VAV3: variants seen among roughly 807,000 people sequenced by gnomAD.
VAV3 encodes the protein guanine nucleotide exchange factor VAV3.
A neutral mutation model predicts 131.2 loss-of-function variants in VAV3; 94 were observed. That is an observed-to-expected ratio of 0.72 (90% CI 0.61 to 0.85). The LOEUF is 0.85. VAV3 is among the 40% of genes least tolerant of loss of function. The pLI is 0.00. For missense variants in VAV3, 939 were observed against 1,002.7 expected (o/e 0.94, Z 0.86); for synonymous variants, 349 against 342.0 (o/e 1.02, Z -0.22).
At chr1:107,576,326 A>C in intron 25 of VAV3, 1 of 1,354,084 alleles carries the variant, frequency 7.4e-7, no homozygotes, top group Non-Finnish European at 9.8e-7. Context: ...CCATACATGG[A>C]ACTCAAATAT....
intron 10 of VAV3, among the ~76,000 whole-genome samples, chr1:107,758,879 CT>C (rs1227960335): frequency 2.6e-5 from 4 of 152,152 alleles, no homozygotes; most frequent in Non-Finnish European, 5.9e-5. Flanking sequence ...GTTCTAATAT[CT>C]AATCCCATTA....
At chr1:107,859,024 T>A (rs1251696411) in intron 2 of VAV3, among the ~76,000 whole-genome samples, 2 of 152,132 alleles carry the variant, frequency 1.3e-5, no homozygotes, top group Non-Finnish European at 2.9e-5. Context: ...GATAAAAATC[T>A]TAGCATTCAA....
chr1:107,765,031 T>C (rs761899121), intron 9 of VAV3, 45 bp downstream of exon 9: 23 of 1,340,640 alleles, frequency 1.7e-5, no homozygotes, highest in Non-Finnish European at 2.3e-5. Context: ...ACATTGCTTT[T>C]AGGTTTATTT....
chr1:107,885,552 T>C (rs1670993085), intron 1 of VAV3, among the ~76,000 whole-genome samples: 1 of 152,010 alleles, frequency 6.6e-6, no homozygotes, highest in African/African-American at 2.4e-5. Flanking sequence ...ATAACAAACC[T>C]ACAGAAAGAT....
intron 1 of VAV3, among the ~76,000 whole-genome samples, chr1:107,897,822 C>A (rs978778218): frequency 2.0e-5 from 3 of 152,104 alleles, no homozygotes; most frequent in African/African-American, 7.2e-5. Flanking sequence ...AGGGATAGTA[C>A]ACATTAAGAC....
chr1:107,651,597 A>G lies in VAV3; in HGVS notation c.1778-8842T>C, dbSNP rs773168506. 1.3e-4 allele frequency among the ~76,000 whole-genome samples: 19 copies of G among 151,884 alleles called. 1 individual carries two copies. Among genetic ancestry groups the G allele is most frequent in the Non-Finnish European group, 2.6e-4 (18 of 67,974 alleles). Reference sequence around the variant, plus strand: ...TTCTCTCCCAAAGGCCACCCTTCCAAATATGCATGTGCACACACATGCACA... The same window carrying G: ...TTCTCTCCCAAAGGCCACCCTTCCAGATATGCATGTGCACACACATGCACA... On this transcript the variant is annotated intron_variant, in intron 19 of 26. Transcript: ENST00000370056.
chr1:107,874,974 C>G lies in VAV3; in HGVS notation c.248G>C (p.Cys83Ser), dbSNP rs913037317. ...KNIRTFLTAC[C>S]ETFGMRKSEL... is the part of the protein sequence containing the mutation. The stretch of plus-strand genomic sequence containing the variant: ...ACTTTTCCTCATTCCAAACGTCTCA[C>G]AACAGGCCGTGAGAAATGTCCTTAT... The change falls in exon 2 of 27, where the codon TGT (cysteine) becomes TCT (serine). Residue 83 changes from cysteine to serine, a missense_variant. Cys to Ser is a moderately radical substitution (Grantham distance 112). Transcript: ENST00000370056. 6.2e-7 allele frequency: 1 copy of G among 1,613,256 alleles called. No homozygotes were observed. The highest frequency in any genetic ancestry group is 1.7e-5 in the Admixed American group (1 of 59,920).
intron 7 of VAV3, among the ~76,000 whole-genome samples, chr1:107,766,795 A>G (rs1026190474): frequency 7.2e-5 from 11 of 151,920 alleles, no homozygotes; most frequent in African/African-American, 2.7e-4. Flanking sequence ...GGGGAAGGAA[A>G]GGAGAAAAAA....
At position 107,862,428 on chromosome 1, in the gene VAV3, G is replaced by T. The variant is rs562066936; in HGVS notation, c.321+12473C>A. On this transcript the variant is annotated intron_variant, in intron 2 of 26. Transcript: ENST00000370056. ...AAGCCATTAAAAAAAAGAAGACACA[G>T]AAAATAAACATGGAAAGTGCCATCC... 2.0e-5 allele frequency among the ~76,000 whole-genome samples: 3 copies of T among 151,436 alleles called. No individual in the cohort carries two copies. In the South Asian group the frequency reaches 6.3e-4, roughly 32 times the overall value.
At chr1:107,939,848 C>A (rs1294606279) in intron 1 of VAV3, among the ~76,000 whole-genome samples, 1 of 151,938 alleles carries the variant, frequency 6.6e-6, no homozygotes, top group Non-Finnish European at 1.5e-5. Flanking sequence ...CTTAATATCT[C>A]CCCCCACCCC....
chr1:107,852,500 G>A (rs933337151), intron 2 of VAV3, among the ~76,000 whole-genome samples: 1 of 151,912 alleles, frequency 6.6e-6, no homozygotes, highest in Non-Finnish European at 1.5e-5. Flanking sequence ...ATAAAACTGG[G>A]GATCATGGTT....
At chr1:107,785,070 A>T (rs923448118) in intron 2 of VAV3, among the ~76,000 whole-genome samples, 1 of 152,238 alleles carries the variant, frequency 6.6e-6, no homozygotes, top group Non-Finnish European at 1.5e-5. Flanking sequence ...TTTTGAAAAC[A>T]GACTGGTGAT....
intron 1 of VAV3, among the ~76,000 whole-genome samples, chr1:107,941,529 A>G (rs777100049): frequency 2.2e-4 from 33 of 152,266 alleles, no homozygotes; most frequent in African/African-American, 7.5e-4. Context: ...GCCTGTGACG[A>G]GCTACACCTT....
intron 15 of VAV3, among the ~76,000 whole-genome samples, chr1:107,719,187 A>G (rs911207750): frequency 6.6e-6 from 1 of 152,258 alleles, no homozygotes; most frequent in African/African-American, 2.4e-5. Flanking sequence ...CAATGGTAAC[A>G]GAAGCCAAAA....
chr1:107,698,318 T>C lies in VAV3; in HGVS notation c.1705+6232A>G, dbSNP rs1037149145. 3.3e-5 allele frequency among the ~76,000 whole-genome samples: 5 copies of C among 152,200 alleles called. No individual in the cohort carries two copies. The East Asian group carries it at 9.6e-4, about 29-fold the overall frequency. ...CAACATGCCCAATGAGACTCACTCA[T>C]GATGCTGGGCAGCAGCAGCTAGCCA... is the stretch of plus-strand genomic sequence containing the variant. On this transcript the variant is annotated intron_variant, in intron 17 of 26. Transcript: ENST00000370056.
intron 2 of VAV3, among the ~76,000 whole-genome samples, chr1:107,827,201 G>A (rs77847185): frequency 0.031 from 4,766 of 152,212 alleles, 177 homozygotes; most frequent in African/African-American, 0.086. Flanking sequence ...GACTAAGCCA[G>A]ACAGAGGTAA....
At chr1:107,742,312 T>C (rs1663069942) in intron 15 of VAV3, among the ~76,000 whole-genome samples, 1 of 152,136 alleles carries the variant, frequency 6.6e-6, no homozygotes. Context: ...AATATGATAC[T>C]GTGCTATGAA....
At chr1:107,840,894 AG>A (rs1668673284) in intron 2 of VAV3, among the ~76,000 whole-genome samples, 1 of 151,952 alleles carries the variant, frequency 6.6e-6, no homozygotes, top group Admixed American at 6.6e-5. Flanking sequence ...ACTCTGAGCA[AG>A]GGATCAACAT....
chr1:107,715,995 A>G (rs560268088), intron 15 of VAV3, among the ~76,000 whole-genome samples: 1 of 152,356 alleles, frequency 6.6e-6, no homozygotes, highest in African/African-American at 2.4e-5. Flanking sequence ...ATATTAGGGA[A>G]CAAAAGAAAG....
Sources: gnomAD v4.1 joint callset for allele counts (sites outside exome capture counted in the v4.1 genomes callset) on GRCh38, gnomAD v4.1.1 for gene constraint, MANE v1.5 for transcripts, NCBI Gene and HGNC (gene_info 2026-07-23, HGNC 2026-07-21) for gene names.